The following CASZ1 variants were observed in gnomAD, a reference collection of about 807,000 sequenced individuals.
The protein encoded by CASZ1 is castor zinc finger 1, also known as zinc finger protein castor homolog 1.
A neutral mutation model predicts 135.2 loss-of-function variants in CASZ1; 28 were observed. The observed-to-expected ratio is 0.21, with a 90% CI of 0.15 to 0.28. The LOEUF (loss-of-function observed/expected upper bound fraction) is 0.28, where lower values mean the gene tolerates loss of function less well. Among genes scored for constraint, CASZ1 ranks in the 10% least tolerant of loss-of-function variants. The pLI, the probability that CASZ1 is intolerant of heterozygous loss-of-function variation, is 1.00. For synonymous variants in CASZ1, 1,068 were observed against 1,073.4 expected (o/e 0.99, Z 0.10); for missense variants, 2,161 against 2,453.3 (o/e 0.88, Z 2.52).
intron 2 of CASZ1, among the ~76,000 whole-genome samples, chr1:10,749,220 T>C (rs1347633660): frequency 2.0e-5 from 3 of 151,776 alleles, no homozygotes; most frequent in African/African-American, 7.3e-5. Flanking sequence ...CATGGCGGCT[T>C]CACATTCCAC....
Position 10,646,443 on chromosome 1 carries a change from G to C in CASZ1, c.3498-117C>G. 2.1e-6 allele frequency: 2 copies of C among 933,718 alleles called. No individual in the cohort carries two copies. Among genetic ancestry groups the C allele is most frequent in the Non-Finnish European group, 1.7e-6 (1 of 601,170 alleles). The allele number at this position is 933,718 out of a possible 1,614,324, so 57.8% of individuals were successfully genotyped here. On this transcript the variant is annotated intron_variant, in intron 16 of 20. Transcript: ENST00000377022. The surrounding 1 kb of genome is among the most constrained non-coding windows in gnomAD (Gnocchi z 6.4). Reference sequence around the variant, plus strand: ...CACGACCAGCGGTACCACCAAGAGGGATGGCCTGGGCTGCTGTCCTGCTCA... The same window carrying C: ...CACGACCAGCGGTACCACCAAGAGGCATGGCCTGGGCTGCTGTCCTGCTCA...
chr1:10,779,352 G>GCACAA (rs1306794058), intron 1 of CASZ1, among the ~76,000 whole-genome samples: 1 of 145,916 alleles, frequency 6.9e-6, no homozygotes, highest in Non-Finnish European at 1.5e-5. Context: ...TTGTTGCACA[G>GCACAA]CACAACACGA....
At chr1:10,650,790 C>CA (rs1642545231) in intron 12 of CASZ1, 35 bp from the exon 13 acceptor site, 4 of 1,592,412 alleles carry the variant, frequency 2.5e-6, no homozygotes, top group African/African-American at 1.5e-5. Context: ...TGAGCTCAGA[C>CA]GGCCGGGGCC....
chr1:10,694,386 A>G lies in CASZ1; in HGVS notation c.-23-474T>C, dbSNP rs1638866172. The G allele has an allele frequency of 3.0e-6, 3 of 1,016,414 alleles. No homozygotes were observed. The highest frequency in any genetic ancestry group is 3.8e-6 in the Non-Finnish European group (3 of 799,532). The allele number at this position is 1,016,414 out of a possible 1,614,324, so 63.0% of individuals were successfully genotyped here. A position where few individuals can be genotyped will look rare whatever the true frequency, so the allele number is the denominator to read the frequency against. On this transcript the variant is annotated intron_variant, in intron 3 of 20. Transcript: ENST00000377022. This position sits in a 1 kb window ranked among gnomAD's most constrained non-coding sequence, Gnocchi z 6.6. ...CCTAATTGCAACTGATTACTCCCCG[A>G]ATAACAAGTTGTTTTAAAGCCCTGA...
intron 1 of CASZ1, among the ~76,000 whole-genome samples, chr1:10,771,742 T>C (rs1287171465): frequency 6.6e-6 from 1 of 152,078 alleles, no homozygotes; most frequent in Non-Finnish European, 1.5e-5. Flanking sequence ...GTCCCCTTAT[T>C]TTCTATTCCA....
At position 10,680,880 on chromosome 1, in the gene CASZ1, G is replaced by C. The variant is rs180942154; in HGVS notation, c.16+12994C>G. Among the ~76,000 whole-genome samples the C allele has an allele frequency of 2.8e-4, 42 of 152,336 alleles. No homozygotes were observed. The East Asian group carries it at 6.4e-3, about 23-fold the overall frequency. On this transcript the variant is annotated intron_variant, in intron 4 of 20. Transcript: ENST00000377022. ...CCCCTCCCACTGGGGCAGGGCTGGG[G>C]CCTCACCCCCATCTTTCTTTCTTTC...
Position 10,741,963 on chromosome 1 carries a change from G to A in CASZ1, c.-77+18738C>T, listed in dbSNP as rs1249662971. On this transcript the variant is annotated intron_variant, in intron 2 of 20. Transcript: ENST00000377022. The surrounding 1 kb of genome is among the most constrained non-coding windows in gnomAD (Gnocchi z 5.0). ...TAATGTGCCTAACCCAGCAAGCGCC[G>A]AGACACGGACCCCTCACCGCTTCTC... Among the ~76,000 whole-genome samples the A allele has an allele frequency of 6.6e-6, 1 of 151,964 alleles. No individual in the cohort carries two copies. The highest frequency in any genetic ancestry group is 1.5e-5 in the Non-Finnish European group (1 of 68,004).
At chr1:10,693,752 G>GCCCCA in intron 4 of CASZ1, 122 bp downstream of exon 4, 1 of 774,928 alleles carries the variant, frequency 1.3e-6, no homozygotes, top group Non-Finnish European at 2.3e-6. Context: ...GGAGGCAGCC[G>GCCCCA]CCCGACCCTC....
At chr1:10,731,071 A>T (rs1169428299) in intron 2 of CASZ1, among the ~76,000 whole-genome samples, 4 of 151,928 alleles carry the variant, frequency 2.6e-5, no homozygotes, top group African/African-American at 9.7e-5. Context: ...TCACCACTGC[A>T]CACCAGCTTG....
chr1:10,650,658 G>A (rs1355124422), intron 13 of CASZ1, 34 bp downstream of exon 13: 1 of 1,573,134 alleles, frequency 6.4e-7, no homozygotes, highest in East Asian at 2.2e-5. Flanking sequence ...TCTCTGGGTG[G>A]GGGAACGGGA....
rs1262431341 is a variant in CASZ1 at position 10,725,305 on chromosome 1, G to A, written c.-76-19761C>T. Among the ~76,000 whole-genome samples, 2 of 152,232 alleles carry A rather than the reference G, an allele frequency of 1.3e-5. No individual in the cohort carries two copies. The highest frequency in any genetic ancestry group is 1.9e-4 in the East Asian group (1 of 5,200). Reference sequence around the variant, plus strand: ...CCGTGCCAATGCCAACACCGTGGCCGCCTCCCGCTGCATGCGTGTGGCTGT... The same window carrying A: ...CCGTGCCAATGCCAACACCGTGGCCACCTCCCGCTGCATGCGTGTGGCTGT... On this transcript the variant is annotated intron_variant, in intron 2 of 20. Transcript: ENST00000377022. This position sits in a 1 kb window ranked among gnomAD's most constrained non-coding sequence, Gnocchi z 4.4.
rs1557476036 is a variant in CASZ1 at position 10,657,994 on chromosome 1, CTCTTT to C, written c.1409+509_1409+513del. 5.6e-5 allele frequency: 8 copies of C among 143,984 alleles called. No homozygotes were observed. The highest frequency in any genetic ancestry group is 2.1e-4 in the South Asian group (1 of 4,728). 8.9% of individuals were successfully genotyped at this position (143,984 alleles called of 1,614,324 possible). On this transcript the variant is annotated intron_variant, in intron 7 of 20. Transcript: ENST00000377022. The surrounding 1 kb of genome is among the most constrained non-coding windows in gnomAD (Gnocchi z 5.7). The stretch of plus-strand genomic sequence containing the variant: ...ACACCTTCTCTCTCGCTTTCTCTCT[CTCTTT>C]TTTTTTTTTTTTTTAAAGAGATAGG...
At chr1:10,695,001 T>G in intron 3 of CASZ1, among the ~76,000 whole-genome samples, 1 of 146,380 alleles carries the variant, frequency 6.8e-6, no homozygotes, top group African/African-American at 2.5e-5. Flanking sequence ...GCGCTAACTT[T>G]TCCGCGAGGG....
intron 2 of CASZ1, among the ~76,000 whole-genome samples, chr1:10,742,581 A>T (rs1004785816): frequency 2.0e-5 from 3 of 152,204 alleles, no homozygotes; most frequent in Admixed American, 2.0e-4. Flanking sequence ...GGCTCCCCAT[A>T]AAAAGGCTGA....
At chr1:10,672,846 C>T (rs1201268757) in intron 4 of CASZ1, among the ~76,000 whole-genome samples, 2 of 152,226 alleles carry the variant, frequency 1.3e-5, no homozygotes, top group African/African-American at 4.8e-5. Flanking sequence ...CCAACTTCGG[C>T]GACGGTGGCG....
At chr1:10,659,269 G>A (rs541129150) in intron 6 of CASZ1, among the ~76,000 whole-genome samples, 1 of 152,352 alleles carries the variant, frequency 6.6e-6, no homozygotes, top group Admixed American at 6.5e-5. Flanking sequence ...CCACAGGCCT[G>A]CATTCAGCAC....
chr1:10,650,967 A>G lies in CASZ1; in HGVS notation c.2790T>C (p.Ser930=). The change falls in exon 12 of 21, where the codon AGT becomes AGC. Residue 930 remains serine, a synonymous_variant. Coordinates refer to ENST00000377022, the MANE Select transcript of CASZ1 (RefSeq NM_001079843.3). ...TGGGCTCCTTCACAGTCAGGTCTAG[A>G]CTGCGGTCCTGGGAGGCTTCGTGGG... ...PGPHEASQDR[S]LDLTVKEPSN... is the part of the protein sequence containing the mutation. 6.3e-7 allele frequency: 1 copy of G among 1,592,920 alleles called. No individual in the cohort carries two copies. The highest frequency in any genetic ancestry group is 8.5e-7 in the Non-Finnish European group (1 of 1,174,906).
intron 4 of CASZ1, among the ~76,000 whole-genome samples, chr1:10,689,569 C>G (rs72860115): frequency 1.3e-5 from 2 of 152,094 alleles, no homozygotes; most frequent in Non-Finnish European, 2.9e-5. Flanking sequence ...GGGAGCCTTT[C>G]GGACCTGCCC....
chr1:10,649,021 G>T, intron 15 of CASZ1, 49 bp downstream of exon 15: 3 of 1,597,134 alleles, frequency 1.9e-6, no homozygotes, highest in Non-Finnish European at 1.7e-6. Context: ...CCAGAGCCAG[G>T]CTGGGATCCG....
Sources: gnomAD v4.1 joint callset for allele counts (sites outside exome capture counted in the v4.1 genomes callset) on GRCh38, gnomAD v4.1.1 for gene constraint, Gnocchi (gnomAD v3.1) non-coding constraint, MANE v1.5 for transcripts, NCBI Gene and HGNC (gene_info 2026-07-23, HGNC 2026-07-21) for gene names.